Variants in SRRM2 observed in about 807,000 individuals in gnomAD.
SRRM2 encodes the protein serine/arginine repetitive matrix 2.
A neutral mutation model predicts 213.8 loss-of-function variants in SRRM2; 30 were observed. The observed-to-expected ratio is 0.14, with a 90% CI of 0.10 to 0.19. SRRM2 has a LOEUF of 0.19. Ranked by LOEUF, SRRM2 falls within the 10% of genes least tolerant of loss-of-function variation. The pLI is 1.00. For synonymous variants in SRRM2, 2,025 were observed against 1,377.7 expected, an observed-to-expected ratio of 1.47 and a Z score of -10.40; for missense variants, 4,904 against 3,647.0, an observed-to-expected ratio of 1.34 and a Z score of -8.88.
Position 2,762,226 on chromosome 16 carries a change from C to A in SRRM2, c.1698C>A (p.Ser566=). 6.2e-7 allele frequency: 1 copy of A among 1,614,092 alleles called. No homozygotes were observed. The highest frequency in any genetic ancestry group is 8.5e-7 in the Non-Finnish European group (1 of 1,180,004). The change falls in exon 11 of 15, where the codon TCC becomes TCA. Residue 566 remains serine, a synonymous_variant. Transcript: ENST00000301740. ...SARRGRSHSR[S]PATRGRSRSR... ...GGCGAGGGAGGTCCCACTCTAGATC[C>A]CCAGCCACTAGGGGTAGATCTCGTT... is the stretch of plus-strand genomic sequence containing the variant.
In SRRM2 at chr16:2,760,099, C is replaced by G; in HGVS notation, c.834-202C>G. On this transcript the variant is annotated intron_variant, in intron 9 of 14. Transcript: ENST00000301740. ...TGAGTAAAGGGGTAGAGGGAGAACG[C>G]TCTTTGGGATTGTGTTGGGAAAAGA... is the stretch of plus-strand genomic sequence containing the variant. 1.1e-5 allele frequency: 7 copies of G among 619,550 alleles called. No homozygotes were observed. In the South Asian group the frequency reaches 1.3e-4, roughly 12 times the overall value. 38.4% of individuals were successfully genotyped at this position (619,550 alleles called of 1,614,324 possible). A position where few individuals can be genotyped will look rare whatever the true frequency, so the allele number is the denominator to read the frequency against.
rs1361247676 is a variant in SRRM2 at position 2,765,940 on chromosome 16, C to T, written c.5412C>T (p.Ser1804=). 6.2e-7 allele frequency: 1 copy of T among 1,614,150 alleles called. No homozygotes were observed. Among genetic ancestry groups the T allele is most frequent in the Non-Finnish European group, 8.5e-7 (1 of 1,180,024 alleles). The change falls in exon 11 of 15, where the codon AGC becomes AGT. Residue 1804 remains serine, a synonymous_variant. Transcript: ENST00000301740. ...SQSTSRRRQR[S]RSRSRVTRRR... is the part of the protein sequence containing the mutation. ...CAACCTCTCGGCGAAGACAGCGGAG[C>T]CGGTCAAGGTCGCGGGTTACTCGGC...
rs2068422641 is a variant in SRRM2 at position 2,763,189 on chromosome 16, T to TAGA, written c.2662_2664dup (p.Arg888dup). ...CTGAGTTGAAATCTAGGACCCCTTC[T>TAGA]AGACATAGCTGCTCAGGGTCCTCTC... On this transcript the variant is annotated inframe_insertion, in exon 11 of 15. Transcript: ENST00000301740. 6.2e-7 allele frequency: 1 copy of TAGA among 1,613,974 alleles called. No individual in the cohort carries two copies. Among genetic ancestry groups the TAGA allele is most frequent in the African/African-American group, 1.3e-5 (1 of 74,894 alleles).
Position 2,762,671 on chromosome 16 carries a change from T to G in SRRM2, c.2143T>G (p.Ser715Ala), listed in dbSNP as rs758346903. Residue 715 changes from serine to alanine, a missense_variant, in exon 11 of 15, where the codon TCT becomes GCT. Physicochemically the swap from Ser to Ala is moderately conservative, Grantham distance 99. Coordinates refer to ENST00000301740, the MANE Select transcript of SRRM2 (RefSeq NM_016333.4). ...RSLVRRGRSH[S>A]RTPQRRGRSG... ...CTTAGTTAGACGTGGAAGATCTCACTCTAGAACACCTCAAAGAAGAGGCAG... is the reference window on the plus strand; with the variant it reads ...CTTAGTTAGACGTGGAAGATCTCACGCTAGAACACCTCAAAGAAGAGGCAG... 6.2e-7 allele frequency: 1 copy of G among 1,614,048 alleles called. No homozygotes were observed. The highest frequency in any genetic ancestry group is 2.2e-5 in the East Asian group (1 of 44,880).
chr16:2,755,808 T>G (rs1407392998), intron 1 of SRRM2, among the ~76,000 whole-genome samples: 1 of 152,168 alleles, frequency 6.6e-6, no homozygotes, highest in Non-Finnish European at 1.5e-5. Flanking sequence ...TATAGGGTGG[T>G]CTGAAATCCT....
chr16:2,764,513 T>C lies in SRRM2; in HGVS notation c.3985T>C (p.Ser1329Pro). Residue 1329 changes from serine to proline, a missense_variant, in exon 11 of 15, where the codon TCA (serine) becomes CCA (proline). Ser to Pro is a moderately conservative substitution (Grantham distance 74, BLOSUM62 -1). Coordinates refer to ENST00000301740, the MANE Select transcript of SRRM2 (RefSeq NM_016333.4). ...CCCACTCAGGGAGAACAGCTTTGGA[T>C]CACCTTTAGAATTTAGAAACTCAGG... ...NSPLRENSFG[S>P]PLEFRNSGPL... is the part of the protein sequence containing the mutation. The C allele has an allele frequency of 6.2e-7, 1 of 1,614,190 alleles. No individual in the cohort carries two copies. The highest frequency in any genetic ancestry group is 8.5e-7 in the Non-Finnish European group (1 of 1,180,040).
In SRRM2 at chr16:2,757,590, C is replaced by G. The variant is rs536410598; in HGVS notation, c.350+11C>G. ...AGGGCAGAGGCCAGCGTGAGTGTTG[C>G]GCTCTCCCTCGATGACTCTGGACTC... On this transcript the variant is annotated intron_variant, in intron 3 of 14. Coordinates refer to ENST00000301740, the MANE Select transcript of SRRM2 (RefSeq NM_016333.4). The G allele has an allele frequency of 6.2e-7, 1 of 1,609,726 alleles. No individual in the cohort carries two copies.
At chr16:2,753,161 C>G (rs1403375407) in intron 1 of SRRM2, among the ~76,000 whole-genome samples, 1 of 151,638 alleles carries the variant, frequency 6.6e-6, no homozygotes, top group Admixed American at 6.6e-5. Flanking sequence ...CATGTGCCGC[C>G]GAGGTGGCCT....
At chr16:2,757,101 T>C (rs979439054) in intron 2 of SRRM2, among the ~76,000 whole-genome samples, 6 of 152,150 alleles carry the variant, frequency 3.9e-5, no homozygotes, top group Admixed American at 1.3e-4. Flanking sequence ...CAGAAAACTC[T>C]TTTAGAGCAG....
intron 7 of SRRM2, 65 bp from the exon 8 acceptor site, chr16:2,759,287 T>G: frequency 1.2e-6 from 2 of 1,607,952 alleles, no homozygotes; most frequent in Non-Finnish European, 1.7e-6. Context: ...CTCTTTCCAT[T>G]TCACTTTTGG....
chr16:2,769,291 G>C lies in SRRM2; in HGVS notation c.8021+7G>C. 6.4e-7 allele frequency: 1 copy of C among 1,551,068 alleles called. No homozygotes were observed. Among genetic ancestry groups the C allele is most frequent in the Non-Finnish European group, 8.7e-7 (1 of 1,148,546 alleles). Reference sequence around the variant, plus strand: ...CACCCCCTGGCGAGCGGAGGTGAGTGCTGTCTTGCCTGAGTTGAAAGGTGG... The same window carrying C: ...CACCCCCTGGCGAGCGGAGGTGAGTCCTGTCTTGCCTGAGTTGAAAGGTGG... On this transcript the variant is annotated splice_region_variant and intron_variant, in intron 12 of 14. Transcript: ENST00000301740.
In SRRM2 at chr16:2,767,894, T is replaced by C. The variant is rs1405055283; in HGVS notation, c.7366T>C (p.Ser2456Pro). ...QPRSPVPSAFSDQSRCLIAQT... is the reference protein window; with the variant it reads ...QPRSPVPSAFPDQSRCLIAQT... ...GAGGTCTCCTGTGCCTTCTGCTTTTTCAGACCAATCCCGTTGTTTGATTGC... is the reference window on the plus strand; with the variant it reads ...GAGGTCTCCTGTGCCTTCTGCTTTTCCAGACCAATCCCGTTGTTTGATTGC... Residue 2456 changes from serine (S) to proline (P), a missense_variant, in exon 11 of 15, where the codon TCA (serine) becomes CCA (proline). By Grantham distance (74) the Ser-to-Pro change is moderately conservative (BLOSUM62 -1). Transcript: ENST00000301740. 1.9e-6 allele frequency: 3 copies of C among 1,614,072 alleles called. No individual in the cohort carries two copies. The African/African-American group carries it at 4.0e-5, about 22-fold the overall frequency.
At chr16:2,760,947 G>A (rs970578008) in intron 10 of SRRM2, 1 of 161,304 alleles carries the variant, frequency 6.2e-6, no homozygotes, top group African/African-American at 2.4e-5. Context: ...ATTTCCTCTT[G>A]CTTTAGTGAT....
At chr16:2,756,308 A>T in intron 1 of SRRM2, 26 bp from the exon 2 acceptor site, 1 of 1,510,740 alleles carries the variant, frequency 6.6e-7, no homozygotes, top group Non-Finnish European at 8.8e-7. Flanking sequence ...CAGGGGCCTG[A>T]CCCGTGTCTC....
At chr16:2,770,117 C>T (rs186221519) in intron 12 of SRRM2, 41 of 1,413,778 alleles carry the variant, frequency 2.9e-5, no homozygotes, top group South Asian at 3.0e-5. Flanking sequence ...CACTGAGCTC[C>T]TTCAAGGGCA....
chr16:2,755,417 A>G (rs1015354887), intron 1 of SRRM2, among the ~76,000 whole-genome samples: 2 of 152,148 alleles, frequency 1.3e-5, no homozygotes, highest in Non-Finnish European at 2.9e-5. Context: ...TTCTACATAG[A>G]TTTAGGGCAA....
chr16:2,764,789 T>A lies in SRRM2; in HGVS notation c.4261T>A (p.Ser1421Thr), dbSNP rs1399003104. The A allele has an allele frequency of 2.5e-6, 4 of 1,614,044 alleles. No homozygotes were observed. Among genetic ancestry groups the A allele is most frequent in the African/African-American group, 2.7e-5 (2 of 74,894 alleles). Residue 1421 changes from serine (S) to threonine (T), a missense_variant, in exon 11 of 15, where the codon TCT (serine) becomes ACT (threonine). Transcript: ENST00000301740. ...AACACCCTCGAGAGAAAGAAGTAGT[T>A]CTGCATCTTCTCCTGAAATGAAAGA... ...PRTPSRERSS[S>T]ASSPEMKDGL...
intron 1 of SRRM2, among the ~76,000 whole-genome samples, chr16:2,756,067 A>G (rs1037024460): frequency 2.6e-5 from 4 of 152,214 alleles, no homozygotes; most frequent in South Asian, 2.1e-4. Flanking sequence ...ATTTAGGTGT[A>G]GGGAGGGATT....
chr16:2,758,568 C>G lies in SRRM2; in HGVS notation c.593+21C>G, dbSNP rs757617367. The G allele has an allele frequency of 3.1e-6, 5 of 1,604,550 alleles. No homozygotes were observed. In the South Asian group the frequency reaches 4.4e-5, roughly 14 times the overall value. ...GGACGGTAAGTTAGTTGGAAAGTGA[C>G]TCTGATAGCCAGAGGACCAATCCTG... On this transcript the variant is annotated intron_variant, in intron 5 of 14. Transcript: ENST00000301740.
Sources: allele counts gnomAD v4.1 joint callset (sites outside exome capture counted in the v4.1 genomes callset), GRCh38; gene constraint gnomAD v4.1.1; transcripts MANE v1.5; gene names NCBI Gene and HGNC (gene_info 2026-07-23, HGNC 2026-07-21).